Variants in ACOXL observed in about 807,000 individuals in gnomAD.
ACOXL encodes the protein acyl-coenzyme A oxidase-like protein.
In ACOXL, 70 loss-of-function variants were observed where a neutral mutation model predicts 71.9. That is an observed-to-expected ratio of 0.97 (90% CI 0.80 to 1.19). The LOEUF (loss-of-function observed/expected upper bound fraction) is 1.19. ACOXL is among the 50% of genes most tolerant of loss of function. The pLI is 0.00. For missense variants in ACOXL, 703 were observed against 736.3 expected, an observed-to-expected ratio of 0.95 and a Z score of 0.52; for synonymous variants, 253 against 281.6, an observed-to-expected ratio of 0.90 and a Z score of 1.02.
intron 17 of ACOXL, chr2:111,098,329 A>G (rs1314888381): frequency 1.3e-5 from 2 of 152,242 alleles, no homozygotes; most frequent in African/African-American, 4.8e-5. Context: ...CAAAAATCAC[A>G]AAAACATCTC....
At chr2:110,885,706 C>T (rs1697198587) in intron 10 of ACOXL, among the ~76,000 whole-genome samples, 1 of 152,088 alleles carries the variant, frequency 6.6e-6, no homozygotes, top group African/African-American at 2.4e-5. Context: ...AAGCGATGTC[C>T]TTTTTATACC....
At chr2:110,870,049 G>T (rs1695084074) in intron 10 of ACOXL, among the ~76,000 whole-genome samples, 1 of 152,266 alleles carries the variant, frequency 6.6e-6, no homozygotes, top group Non-Finnish European at 1.5e-5. Context: ...TTAAACCCAT[G>T]GGGGAGTGGG....
chr2:110,849,894 C>T (rs1692396853), intron 10 of ACOXL, among the ~76,000 whole-genome samples: 1 of 152,170 alleles, frequency 6.6e-6, no homozygotes, highest in African/African-American at 2.4e-5. Flanking sequence ...GACTATAGGA[C>T]ATGTAGGCAA....
chr2:110,998,516 T>A (rs2063491949), intron 14 of ACOXL, among the ~76,000 whole-genome samples: 1 of 152,222 alleles, frequency 6.6e-6, no homozygotes, highest in Non-Finnish European at 1.5e-5. Flanking sequence ...AATTGCGCCT[T>A]GGTTTGAGAA....
chr2:111,052,964 A>G (rs1249401021), intron 16 of ACOXL, among the ~76,000 whole-genome samples: 1 of 152,020 alleles, frequency 6.6e-6, no homozygotes, highest in African/African-American at 2.4e-5. Flanking sequence ...AGGGTCCTCC[A>G]TCTCCCTCTG....
chr2:110,919,886 A>G (rs931381259), intron 11 of ACOXL, among the ~76,000 whole-genome samples: 10 of 152,218 alleles, frequency 6.6e-5, no homozygotes, highest in African/African-American at 2.4e-4. Context: ...GTGTGAGTCA[A>G]TATTTTCCTA....
At chr2:111,044,501 G>A (rs914745713) in intron 15 of ACOXL, among the ~76,000 whole-genome samples, 7 of 152,208 alleles carry the variant, frequency 4.6e-5, no homozygotes, top group Non-Finnish European at 7.3e-5. Context: ...CAAAGATTGC[G>A]AGAGAAGCTG....
In ACOXL at chr2:110,920,989, C is replaced by T. The variant is rs1375191886; in HGVS notation, c.905+12084C>T. On this transcript the variant is annotated intron_variant, in intron 11 of 17. Transcript: ENST00000439055. ...ATACTATTGACTTTAGTTCTAGGAG[C>T]TTTTGTTGGGTAGATTTTAATAAAT... is the stretch of plus-strand genomic sequence containing the variant. Among the ~76,000 whole-genome samples the T allele has an allele frequency of 2.0e-5, 3 of 151,996 alleles. No homozygotes were observed. In the East Asian group the frequency reaches 5.8e-4, roughly 29 times the overall value.
chr2:111,100,973 A>T (rs2069115042), intron 17 of ACOXL: 1 of 152,650 alleles, frequency 6.6e-6, no homozygotes, highest in South Asian at 2.1e-4. Context: ...AAACCGTTGA[A>T]TCATAGAGGA....
intron 15 of ACOXL, among the ~76,000 whole-genome samples, chr2:111,034,082 G>A (rs182628398): frequency 7.7e-4 from 118 of 152,338 alleles, no homozygotes; most frequent in Non-Finnish European, 1.2e-3. Flanking sequence ...AGGTCACCAG[G>A]TTCAGATCCC....
At chr2:110,941,579 A>G (rs1282537976) in intron 12 of ACOXL, among the ~76,000 whole-genome samples, 1 of 152,204 alleles carries the variant, frequency 6.6e-6, no homozygotes, top group Non-Finnish European at 1.5e-5. Context: ...TCTATCTCCT[A>G]TATCATTATG....
chr2:110,813,976 TG>T (rs1461725504), intron 9 of ACOXL, among the ~76,000 whole-genome samples: 1 of 152,196 alleles, frequency 6.6e-6, no homozygotes, highest in Non-Finnish European at 1.5e-5. Flanking sequence ...ATTCCAGCAC[TG>T]GGGTCCGGCC....
intron 14 of ACOXL, among the ~76,000 whole-genome samples, chr2:111,023,234 C>T (rs969516011): frequency 1.3e-5 from 2 of 151,902 alleles, no homozygotes; most frequent in African/African-American, 4.8e-5. Flanking sequence ...GAGAGGGGAG[C>T]GGGGAGATTT....
chr2:110,937,067 G>A (rs1162173021), intron 12 of ACOXL, among the ~76,000 whole-genome samples: 1 of 152,070 alleles, frequency 6.6e-6, no homozygotes, highest in East Asian at 1.9e-4. Context: ...GGCTGGTCTC[G>A]AACTATTTTA....
chr2:110,736,584 A>G (rs1374192591), intron 1 of ACOXL, among the ~76,000 whole-genome samples: 1 of 149,946 alleles, frequency 6.7e-6, no homozygotes, highest in Non-Finnish European at 1.5e-5. Context: ...GCTGAATAAT[A>G]TTCCATTGTA....
rs531066329 is a variant in ACOXL, at chr2:110,954,788, T to A, written c.1059+21146T>A. 5.7e-5 allele frequency among the ~76,000 whole-genome samples: 8 copies of A among 141,202 alleles called. No individual in the cohort carries two copies. The Admixed American group carries it at 6.1e-4, about 11-fold the overall frequency. The allele number at this position is 141,202 out of a possible 152,430, so 92.6% of individuals were successfully genotyped here. On this transcript the variant is annotated intron_variant, in intron 12 of 17. Transcript: ENST00000439055. ...GCATCTCTGTAGTCATTTCCTGGTT[T>A]CTGGGGTACTTTCTTCTAAACACCA...
rs752908591 is a variant in ACOXL, at chr2:110,933,603, C to T, written c.1020C>T (p.Ile340=). The T allele has an allele frequency of 8.1e-6, 13 of 1,613,428 alleles. No individual in the cohort carries two copies. Among genetic ancestry groups the T allele is most frequent in the Non-Finnish European group, 1.1e-5 (13 of 1,179,930 alleles). Residue 340 remains isoleucine, a synonymous_variant, in exon 12 of 18, where the codon ATC becomes ATT. Transcript: ENST00000439055. ...AGGCCTACAGCACCTGGGAGAACATCCGCTGCCTGCAGGACTGCCGCGAGT... is the reference window on the plus strand; with the variant it reads ...AGGCCTACAGCACCTGGGAGAACATTCGCTGCCTGCAGGACTGCCGCGAGT... ...GLKAYSTWEN[I]RCLQDCRECT...
At chr2:111,064,665 T>C (rs899333932) in intron 16 of ACOXL, among the ~76,000 whole-genome samples, 2 of 152,178 alleles carry the variant, frequency 1.3e-5, no homozygotes, top group Non-Finnish European at 1.5e-5. Context: ...CTGTGATTGA[T>C]TGAATCCATG....
At chr2:111,060,999 A>G (rs1160638935) in intron 16 of ACOXL, among the ~76,000 whole-genome samples, 1 of 152,196 alleles carries the variant, frequency 6.6e-6, no homozygotes, top group Non-Finnish European at 1.5e-5. Flanking sequence ...AATGAAAAAC[A>G]AAGAGAGCAG....
Sources: gnomAD v4.1 joint callset for allele counts (sites outside exome capture counted in the v4.1 genomes callset) on GRCh38, gnomAD v4.1.1 for gene constraint, MANE v1.5 for transcripts, NCBI Gene and HGNC (gene_info 2026-07-23, HGNC 2026-07-21) for gene names.